Variants in LIN28B observed in about 807,000 individuals in gnomAD.
LIN28B encodes the protein protein lin-28 homolog B.
LIN28B carries 5 observed loss-of-function variants against 21.9 expected under a neutral mutation model. That is an observed-to-expected ratio of 0.23 (90% confidence interval 0.12 to 0.48). The LOEUF is 0.48. Ranked by LOEUF, LIN28B falls within the 20% of genes least tolerant of loss-of-function variation. LIN28B has a pLI of 0.98. For synonymous variants in LIN28B, 109 were observed against 111.3 expected, an observed-to-expected ratio of 0.98 and a Z score of 0.13; for missense variants, 245 against 310.5, an observed-to-expected ratio of 0.79 and a Z score of 1.58.
At chr6:105,008,994 C>T (rs961919258) in intron 2 of LIN28B, among the ~76,000 whole-genome samples, 6 of 152,176 alleles carry the variant, frequency 3.9e-5, no homozygotes, top group Non-Finnish European at 7.3e-5. Context: ...GGATTACATT[C>T]TGTGTCTAGG....
chr6:105,007,073 T>C (rs540373783), intron 2 of LIN28B, among the ~76,000 whole-genome samples: 1 of 152,326 alleles, frequency 6.6e-6, no homozygotes, highest in African/African-American at 2.4e-5. Context: ...GAATGGGATG[T>C]CTAAGGTCTC....
chr6:104,964,646 T>G (rs1769820060), intron 2 of LIN28B, among the ~76,000 whole-genome samples: 1 of 152,172 alleles, frequency 6.6e-6, no homozygotes, highest in Non-Finnish European at 1.5e-5. Flanking sequence ...TCTTCTAATA[T>G]CATAAAAGTT....
upstream of LIN28B, among the ~76,000 whole-genome samples, chr6:104,956,664 C>G (rs1236316871): frequency 6.6e-6 from 1 of 152,036 alleles, no homozygotes. Context: ...AATTAGCGTT[C>G]CAAGCAGGTT....
chr6:105,075,235 C>T (rs569246189), intron 3 of LIN28B, among the ~76,000 whole-genome samples: 5 of 152,274 alleles, frequency 3.3e-5, no homozygotes, highest in African/African-American at 1.2e-4. Context: ...ATGCTCACAT[C>T]ACAATGTAAA....
At chr6:105,058,474 G>T (rs577579498) in intron 3 of LIN28B, among the ~76,000 whole-genome samples, 87 of 152,298 alleles carry the variant, frequency 5.7e-4, no homozygotes, top group African/African-American at 1.8e-3. Context: ...GCATCAACCA[G>T]TTTACAAGAT....
At chr6:104,951,609 A>G (rs1778222065) in intron 3 of LIN28B, among the ~76,000 whole-genome samples, 1 of 152,056 alleles carries the variant, frequency 6.6e-6, no homozygotes. Flanking sequence ...CTGTTGGGAA[A>G]TAATGTTAAC....
intron 2 of LIN28B, among the ~76,000 whole-genome samples, chr6:105,005,141 G>A (rs993112533): frequency 1.3e-5 from 2 of 152,088 alleles, no homozygotes; most frequent in African/African-American, 2.4e-5. Flanking sequence ...TCAAAGTATC[G>A]TTTTATTTAT....
chr6:105,059,231 A>T (rs1374756327), intron 3 of LIN28B, among the ~76,000 whole-genome samples: 1 of 150,658 alleles, frequency 6.6e-6, no homozygotes, highest in African/African-American at 2.4e-5. Context: ...TTTTTTTTTT[A>T]AACTAGGGAG....
chr6:105,051,195 C>T, intron 3 of LIN28B, among the ~76,000 whole-genome samples: 1 of 151,592 alleles, frequency 6.6e-6, no homozygotes, highest in East Asian at 1.9e-4. Context: ...AATCCCAGCA[C>T]TTTGGGAGGC....
At chr6:105,068,806 T>G (rs1772270551) in intron 3 of LIN28B, among the ~76,000 whole-genome samples, 2 of 152,380 alleles carry the variant, frequency 1.3e-5, no homozygotes, top group Middle Eastern at 3.4e-3. Flanking sequence ...AATGGCATTA[T>G]TTTAAGCACA....
intron 2 of LIN28B, among the ~76,000 whole-genome samples, chr6:104,988,373 A>C (rs1316026032): frequency 6.6e-6 from 1 of 151,678 alleles, no homozygotes; most frequent in African/African-American, 2.4e-5. Context: ...CCTGATTTAT[A>C]AGATTTGTTG....
At chr6:105,053,714 C>CATGTGTGTGT (rs61525783) in intron 3 of LIN28B, among the ~76,000 whole-genome samples, 62,331 of 147,162 alleles carry the variant, frequency 0.42, 14,679 homozygotes, top group Non-Finnish European at 0.54. Context: ...TGTGTGGGTG[C>CATGTGTGTGT]GTGTGTGTGT....
chr6:105,018,170 C>T (rs140217343), intron 2 of LIN28B, among the ~76,000 whole-genome samples: 16 of 152,116 alleles, frequency 1.1e-4, no homozygotes, highest in South Asian at 4.2e-4. Flanking sequence ...ACTTGTGGTC[C>T]TAGCTACTTG....
chr6:105,041,917 G>A (rs2114367032), intron 3 of LIN28B, among the ~76,000 whole-genome samples: 1 of 152,212 alleles, frequency 6.6e-6, no homozygotes, highest in Middle Eastern at 3.4e-3. Context: ...GAAGAAATCT[G>A]TTGAATCACG....
rs374303300 is a variant in LIN28B, at chr6:104,939,055, TA to T, written c.18+1947del. Among the ~76,000 whole-genome samples, 103 of 152,010 alleles carry T rather than the reference TA, an allele frequency of 6.8e-4. 3 individuals carry two copies. The South Asian group carries it at 0.016, about 23-fold the overall frequency. On this transcript the variant is annotated intron_variant, in intron 2 of 5. Coordinates refer to the LIN28B transcript ENST00000635857. ...ACAAAATACCTAGAAACATAGCTAT[TA>T]AAAAAAACAGTTCATTCTGTAAGTG...
At chr6:105,022,231 C>G (rs1323844268) in intron 2 of LIN28B, among the ~76,000 whole-genome samples, 1 of 152,124 alleles carries the variant, frequency 6.6e-6, no homozygotes, top group Non-Finnish European at 1.5e-5. Flanking sequence ...AACTATTACA[C>G]TTATCTTGGT....
At chr6:105,019,071 T>G (rs1317980544) in intron 2 of LIN28B, among the ~76,000 whole-genome samples, 3 of 151,834 alleles carry the variant, frequency 2.0e-5, no homozygotes, top group Non-Finnish European at 4.4e-5. Context: ...TCAGCTTCCC[T>G]AGTAGCTGGG....
chr6:105,014,900 T>A (rs970699398), intron 2 of LIN28B, among the ~76,000 whole-genome samples: 2 of 152,064 alleles, frequency 1.3e-5, no homozygotes, highest in African/African-American at 4.8e-5. Context: ...CCGTGATTTT[T>A]TTTTTGCATT....
chr6:105,017,726 C>G (rs1239140797), intron 2 of LIN28B, among the ~76,000 whole-genome samples: 2 of 150,368 alleles, frequency 1.3e-5, no homozygotes, highest in Admixed American at 1.3e-4. Flanking sequence ...CAATAGACAC[C>G]GGGGACTACT....
Sources: gnomAD v4.1 joint callset for allele counts (sites outside exome capture counted in the v4.1 genomes callset) on GRCh38, gnomAD v4.1.1 for gene constraint, MANE v1.5 for transcripts, NCBI Gene and HGNC (gene_info 2026-07-23, HGNC 2026-07-21) for gene names.